Variants in DNAI1 observed in about 807,000 individuals in gnomAD.
DNAI1 encodes the protein dynein, axonemal, intermediate polypeptide 1.
Under a neutral mutation model 92.0 loss-of-function variants are expected in DNAI1, and 67 were observed. The ratio of observed to expected loss-of-function variants is 0.73; its 90% CI spans 0.60 to 0.89. The LOEUF is 0.89. DNAI1 is among the 40% of genes least tolerant of loss of function. The pLI is 0.00. For missense variants in DNAI1, 839 were observed against 866.6 expected, an observed-to-expected ratio of 0.97 and a Z score of 0.40; for synonymous variants, 323 against 319.6, an observed-to-expected ratio of 1.01 and a Z score of -0.11.
chr9:34,477,029 A>T (rs1009352963), intron 1 of DNAI1, among the ~76,000 whole-genome samples: 6 of 151,956 alleles, frequency 3.9e-5, no homozygotes, highest in Non-Finnish European at 5.9e-5. Context: ...ATTTTATTTT[A>T]TTTTGAGACA....
intron 16 of DNAI1, among the ~76,000 whole-genome samples, chr9:34,513,400 G>A (rs1438862416): frequency 6.6e-6 from 1 of 152,228 alleles, no homozygotes; most frequent in African/African-American, 2.4e-5. Context: ...TCTAGAGGGT[G>A]ACTTTAGCCC....
chr9:34,485,430 C>T lies in DNAI1; in HGVS notation c.181-7C>T. 6.2e-7 allele frequency: 1 copy of T among 1,614,030 alleles called. No individual in the cohort carries two copies. Among genetic ancestry groups the T allele is most frequent in the South Asian group, 1.1e-5 (1 of 91,064 alleles). Reference sequence around the variant, plus strand: ...TGTATGACCCTCTTGGTATTTTTCTCCCTCAGGAGTTAAAGGAGGAGTTCA... The same window carrying T: ...TGTATGACCCTCTTGGTATTTTTCTTCCTCAGGAGTTAAAGGAGGAGTTCA... On this transcript the variant is annotated splice_region_variant and splice_polypyrimidine_tract_variant and intron_variant, in intron 3 of 19. Coordinates refer to ENST00000242317, the MANE Select transcript of DNAI1 (RefSeq NM_012144.4).
At chr9:34,472,704 C>A (rs1362326214) in intron 1 of DNAI1, among the ~76,000 whole-genome samples, 1 of 152,066 alleles carries the variant, frequency 6.6e-6, no homozygotes, top group Non-Finnish European at 1.5e-5. Context: ...AAGTTTGAGA[C>A]CAGCCTGGGC....
chr9:34,507,277 G>T (rs774231025), intron 13 of DNAI1, among the ~76,000 whole-genome samples: 4 of 152,124 alleles, frequency 2.6e-5, no homozygotes, highest in Non-Finnish European at 4.4e-5. Context: ...TAACTTTGGG[G>T]TCCTCAAAAA....
chr9:34,490,189 G>C, intron 6 of DNAI1, 65 bp downstream of exon 6: 1 of 1,613,186 alleles, frequency 6.2e-7, no homozygotes, highest in South Asian at 1.1e-5. Flanking sequence ...AGGCTTCATG[G>C]GTAACTTGGG....
At chr9:34,466,420 T>C (rs1824039394) in intron 1 of DNAI1, among the ~76,000 whole-genome samples, 1 of 152,252 alleles carries the variant, frequency 6.6e-6, no homozygotes, top group Admixed American at 6.5e-5. Flanking sequence ...AATAATCTGC[T>C]GCTCCTTGGA....
intron 4 of DNAI1, among the ~76,000 whole-genome samples, chr9:34,487,019 A>G (rs1283603973): frequency 1.3e-5 from 2 of 152,132 alleles, no homozygotes; most frequent in African/African-American, 2.4e-5. Flanking sequence ...TCCATTCATC[A>G]GTTGATGTTC....
chr9:34,484,541 G>A (rs1824434268), intron 2 of DNAI1, among the ~76,000 whole-genome samples: 1 of 152,166 alleles, frequency 6.6e-6, no homozygotes. Flanking sequence ...TTGTTAGTGA[G>A]AGTGAACATT....
At chr9:34,501,347 G>A (rs529222227) in intron 12 of DNAI1, among the ~76,000 whole-genome samples, 166 bp downstream of exon 12, 1 of 152,376 alleles carries the variant, frequency 6.6e-6, no homozygotes, top group Admixed American at 6.5e-5. Context: ...ATTAGTGCTG[G>A]GTGAAGGAAT....
chr9:34,490,241 T>A, intron 6 of DNAI1, 117 bp downstream of exon 6: 1 of 1,606,648 alleles, frequency 6.2e-7, no homozygotes, highest in Non-Finnish European at 8.5e-7. Flanking sequence ...AGGCTGCAGG[T>A]GCCAATGTGT....
chr9:34,465,679 A>C (rs1286729612), intron 1 of DNAI1, among the ~76,000 whole-genome samples: 1 of 152,252 alleles, frequency 6.6e-6, no homozygotes, highest in African/African-American at 2.4e-5. Flanking sequence ...CCAGGTACTC[A>C]AATAATAATG....
At chr9:34,512,566 G>C in intron 15 of DNAI1, 142 bp downstream of exon 15, 1 of 811,024 alleles carries the variant, frequency 1.2e-6, no homozygotes, top group Non-Finnish European at 2.1e-6. Flanking sequence ...AGGAAGGCCC[G>C]GCCCTGTCTG....
rs1400699368 is a variant in DNAI1 at position 34,458,963 on chromosome 9, T to C, written c.-43T>C. ...GTCAAGGAGACGGACAAACTTTTTGTCTTCAGACGAGGGAGCGTTTTGTAG... is the reference window on the plus strand; with the variant it reads ...GTCAAGGAGACGGACAAACTTTTTGCCTTCAGACGAGGGAGCGTTTTGTAG... On this transcript the variant is annotated 5_prime_UTR_variant, in exon 1 of 20. Transcript: ENST00000242317. The surrounding 1 kb of genome is among the most constrained non-coding windows in gnomAD (Gnocchi z 6.6). 1.9e-6 allele frequency: 3 copies of C among 1,600,356 alleles called. No homozygotes were observed. In the Admixed American group the frequency reaches 5.0e-5, roughly 27 times the overall value.
rs892615618 is a variant in DNAI1 at position 34,493,173 on chromosome 9, T to G, written c.682-21T>G. 2.5e-6 allele frequency: 4 copies of G among 1,614,066 alleles called. No individual in the cohort carries two copies. The African/African-American group carries it at 5.3e-5, about 22-fold the overall frequency. ...AAAGATTGCACCTTACAATGATCCT[T>G]CTTATCTCACCCTTGCCTAGTGGGA... On this transcript the variant is annotated intron_variant, in intron 8 of 19. Coordinates refer to ENST00000242317, the MANE Select transcript of DNAI1 (RefSeq NM_012144.4).
chr9:34,489,532 C>T (rs953894905), intron 5 of DNAI1, 83 bp downstream of exon 5: 1 of 1,489,814 alleles, frequency 6.7e-7, no homozygotes, highest in African/African-American at 1.4e-5. Context: ...ACCTCTAAGC[C>T]AGAACTTTTC....
chr9:34,511,329 G>A (rs1244253327), intron 13 of DNAI1, among the ~76,000 whole-genome samples: 2 of 152,212 alleles, frequency 1.3e-5, no homozygotes, highest in Non-Finnish European at 2.9e-5. Context: ...TGAGAAGATG[G>A]GTGGGGCAGG....
Position 34,459,642 on chromosome 9 carries a change from C to G in DNAI1, c.48+589C>G, listed in dbSNP as rs536956093. 5.6e-4 allele frequency among the ~76,000 whole-genome samples: 85 copies of G among 152,176 alleles called. 1 individual carries two copies. Among genetic ancestry groups the G allele is most frequent in the Non-Finnish European group, 8.8e-4 (60 of 68,018 alleles). On this transcript the variant is annotated intron_variant, in intron 1 of 19. Transcript: ENST00000242317. ...TGTGTTTTTGGTAGAGACGGGGTTT[C>G]CCCATGTTGCCCAGGCCCGTCTCTA...
intron 5 of DNAI1, 134 bp downstream of exon 5, chr9:34,489,583 T>G: frequency 1.8e-6 from 2 of 1,109,902 alleles, no homozygotes; most frequent in Non-Finnish European, 2.7e-6. Context: ...GGCAGGGTGG[T>G]TCTTGCCTAT....
intron 1 of DNAI1, among the ~76,000 whole-genome samples, chr9:34,468,608 T>C (rs772547204): frequency 2.6e-5 from 4 of 151,912 alleles, no homozygotes; most frequent in African/African-American, 4.8e-5. Flanking sequence ...GGAGGATCAC[T>C]TGAGCCCAGA....
Sources: allele counts gnomAD v4.1 joint callset (sites outside exome capture counted in the v4.1 genomes callset), GRCh38; gene constraint gnomAD v4.1.1; non-coding constraint Gnocchi (gnomAD v3.1); transcripts MANE v1.5; gene names NCBI Gene and HGNC (gene_info 2026-07-23, HGNC 2026-07-21).